PCDHGA3: variants seen among roughly 807,000 people sequenced by gnomAD.
The protein encoded by PCDHGA3 is protocadherin gamma-A3.
In PCDHGA3, 40 loss-of-function variants were observed where a neutral mutation model predicts 58.5. The observed-to-expected ratio is 0.68, with a 90% CI of 0.53 to 0.89. The LOEUF (loss-of-function observed/expected upper bound fraction) is 0.89. Among genes scored for constraint, PCDHGA3 ranks in the 40% least tolerant of loss-of-function variants. The pLI, the probability that PCDHGA3 is intolerant of heterozygous loss-of-function variation, is 0.00. For missense variants in PCDHGA3, 1,223 were observed against 1,195.9 expected, an observed-to-expected ratio of 1.02 and a Z score of -0.33; for synonymous variants, 530 against 525.7, an observed-to-expected ratio of 1.01 and a Z score of -0.11.
chr5:141,409,628 G>T (rs367728235), intron 1 of PCDHGA3: 1 of 1,613,848 alleles, frequency 6.2e-7, no homozygotes. Flanking sequence ...GCAAGTGAGC[G>T]CCTCTGACCC....
chr5:141,463,184 T>A (rs62379194), intron 1 of PCDHGA3, among the ~76,000 whole-genome samples: 5,135 of 152,236 alleles, frequency 0.034, 100 homozygotes, highest in Middle Eastern at 0.088. Context: ...CTCAGATTAT[T>A]ATTTAGCCAA....
intron 1 of PCDHGA3, chr5:141,415,641 TA>T (rs113784532): frequency 0.022 from 22,367 of 1,034,442 alleles, 38 homozygotes; most frequent in Admixed American, 0.045. Context: ...TTACTTTTGT[TA>T]AAAAAAAAAA....
intron 1 of PCDHGA3, chr5:141,351,550 C>T (rs1173991946): frequency 1.2e-5 from 19 of 1,613,940 alleles, no homozygotes; most frequent in Non-Finnish European, 1.5e-5. Context: ...CCCTTTCCTC[C>T]AGGACAAGCA....
chr5:141,409,238 G>A (rs2095245468), intron 1 of PCDHGA3: 1 of 1,614,002 alleles, frequency 6.2e-7, no homozygotes, highest in Non-Finnish European at 8.5e-7. Flanking sequence ...CAACAGCCCA[G>A]AAATAATCAT....
chr5:141,499,634 C>A (rs1194596079), intron 2 of PCDHGA3, among the ~76,000 whole-genome samples: 1 of 151,220 alleles, frequency 6.6e-6, no homozygotes, highest in Non-Finnish European at 1.5e-5. Flanking sequence ...TCTTTTGAAG[C>A]AAATCTCAGA....
intron 1 of PCDHGA3, chr5:141,390,341 A>G (rs766269615): frequency 6.3e-7 from 1 of 1,587,420 alleles, no homozygotes; most frequent in Non-Finnish European, 8.6e-7. Flanking sequence ...CATATTCACA[A>G]GAAAATATAC....
chr5:141,383,787 G>T, intron 1 of PCDHGA3: 1 of 1,613,950 alleles, frequency 6.2e-7, no homozygotes, highest in East Asian at 2.2e-5. Context: ...ATCTGAACTC[G>T]CTTACAGGAG....
At chr5:141,410,195 G>C (rs769655902) in intron 1 of PCDHGA3, 1 of 1,613,966 alleles carries the variant, frequency 6.2e-7, no homozygotes, top group South Asian at 1.1e-5. Flanking sequence ...TCTGGTCTTC[G>C]CAGACAACTT....
At chr5:141,459,693 C>A (rs1014443574) in intron 1 of PCDHGA3, among the ~76,000 whole-genome samples, 1 of 152,210 alleles carries the variant, frequency 6.6e-6, no homozygotes, top group African/African-American at 2.4e-5. Flanking sequence ...AAGCGTTCCG[C>A]TTGCTACATT....
chr5:141,420,061 G>C, intron 1 of PCDHGA3: 1 of 1,614,076 alleles, frequency 6.2e-7, no homozygotes. Flanking sequence ...TCTGCTCCAA[G>C]TCCGGACCTG....
At chr5:141,395,407 G>T (rs1467176036) in intron 1 of PCDHGA3, 3 of 826,654 alleles carry the variant, frequency 3.6e-6, no homozygotes, top group Non-Finnish European at 5.4e-6. Context: ...ATAGTCATAG[G>T]TTATTGTTTC....
intron 1 of PCDHGA3, chr5:141,413,089 C>T: frequency 7.1e-7 from 1 of 1,401,124 alleles, no homozygotes; most frequent in Non-Finnish European, 9.7e-7. Context: ...TACAGAGACA[C>T]CCTGAAGCCA....
intron 1 of PCDHGA3, chr5:141,417,708 G>C (rs1028054307): frequency 1.2e-4 from 152 of 1,227,878 alleles, no homozygotes; most frequent in East Asian, 4.9e-4. Context: ...CCACACAGAG[G>C]CTCCCGGCTG....
intron 1 of PCDHGA3, chr5:141,365,484 C>G: frequency 1.2e-6 from 2 of 1,613,994 alleles, no homozygotes; most frequent in Non-Finnish European, 1.7e-6. Flanking sequence ...ATTGCATGCT[C>G]TATTCCTAGG....
At chr5:141,362,644 T>G in intron 1 of PCDHGA3, 2 of 1,454,150 alleles carry the variant, frequency 1.4e-6, no homozygotes, top group Non-Finnish European at 1.8e-6. Flanking sequence ...TCTTTGTCTG[T>G]GAGTTAGATT....
At position 141,344,214 on chromosome 5, in the gene PCDHGA3, G is replaced by A; in HGVS notation, c.181G>A (p.Glu61Lys). Residue 61 changes from glutamate (E) to lysine (K), a missense_variant, in exon 1 of 4, where the codon GAG becomes AAG. Physicochemically the swap from Glu to Lys is moderately conservative, Grantham distance 56. Around this residue, in one of 3 missense-constraint regions of PCDHGA3, gnomAD observed 791 missense variants for 708.5 expected, o/e 1.12. Transcript: ENST00000253812. ...DLGLEPRELA[E>K]RGVRIVSRGR... The stretch of plus-strand genomic sequence containing the variant: ...GGGGCTAGAGCCCCGGGAGCTGGCG[G>A]AGCGCGGAGTCCGCATCGTCTCCAG... The A allele has an allele frequency of 6.2e-7, 1 of 1,614,026 alleles. No individual in the cohort carries two copies. Among genetic ancestry groups the A allele is most frequent in the Non-Finnish European group, 8.5e-7 (1 of 1,179,922 alleles).
In PCDHGA3 at chr5:141,485,629, C is replaced by G. The variant is rs1028146827; in HGVS notation, c.2425-9178C>G. The G allele has an allele frequency of 1.2e-6, 2 of 1,611,902 alleles. No individual in the cohort carries two copies. The highest frequency in any genetic ancestry group is 3.3e-5 in the Admixed American group (2 of 59,922). On this transcript the variant is annotated intron_variant, in intron 1 of 3. Coordinates refer to ENST00000253812, the MANE Select transcript of PCDHGA3 (RefSeq NM_018916.4). This position sits in a 1 kb window ranked among gnomAD's most constrained non-coding sequence, Gnocchi z 5.7. ...AGGCAGCTCCTCCAGGACAGCGTTTCCCGTTGGAAAAGGCTCAGGATGCAG... is the reference window on the plus strand; with the variant it reads ...AGGCAGCTCCTCCAGGACAGCGTTTGCCGTTGGAAAAGGCTCAGGATGCAG...
intron 3 of PCDHGA3, among the ~76,000 whole-genome samples, chr5:141,510,533 C>A (rs1366903068): frequency 6.6e-6 from 1 of 152,118 alleles, no homozygotes; most frequent in Non-Finnish European, 1.5e-5. Flanking sequence ...GAGAGAAATA[C>A]CAGCGAATGT....
Position 141,410,674 on chromosome 5 carries a change from A to G in PCDHGA3, c.2424+64217A>G. 3.2e-6 allele frequency: 5 copies of G among 1,551,418 alleles called. No homozygotes were observed. In the South Asian group the frequency reaches 3.6e-5, roughly 11 times the overall value. On this transcript the variant is annotated intron_variant, in intron 1 of 3. Coordinates refer to ENST00000253812, the MANE Select transcript of PCDHGA3 (RefSeq NM_018916.4). ...ATCTAATAGTCTACTAGTTTCTCATATTTTAGGCATACTACTTTATTTTCA... is the reference window on the plus strand; with the variant it reads ...ATCTAATAGTCTACTAGTTTCTCATGTTTTAGGCATACTACTTTATTTTCA...
Sources: gnomAD v4.1 joint callset for allele counts (sites outside exome capture counted in the v4.1 genomes callset) on GRCh38, gnomAD v4.1.1 for gene constraint, gnomAD v4.1.1 regional missense constraint, Gnocchi (gnomAD v3.1) non-coding constraint, MANE v1.5 for transcripts, NCBI Gene and HGNC (gene_info 2026-07-23, HGNC 2026-07-21) for gene names.